Variants in KANK1 observed in about 807,000 individuals in gnomAD.
KANK1 encodes KN motif and ankyrin repeat domain-containing protein 1.
In KANK1, 109 loss-of-function variants were observed where a neutral mutation model predicts 106.2. That is an observed-to-expected ratio of 1.03 (90% CI 0.88 to 1.20). KANK1 has a LOEUF of 1.20. KANK1 is among the 50% of genes most tolerant of loss of function. KANK1 has a pLI of 0.00. For missense variants in KANK1, 2,399 were observed against 1,710.7 expected, an observed-to-expected ratio of 1.40 and a Z score of -7.10; for synonymous variants, 873 against 652.2, an observed-to-expected ratio of 1.34 and a Z score of -5.16.
chr9:537,371 C>G (rs916087526), intron 1 of KANK1, among the ~76,000 whole-genome samples: 2 of 152,174 alleles, frequency 1.3e-5, no homozygotes, highest in African/African-American at 4.8e-5. Flanking sequence ...CAGGCCCTCA[C>G]AAGTTAAATC....
chr9:607,504 AAAAG>A (rs1268515368), intron 1 of KANK1, among the ~76,000 whole-genome samples: 14 of 151,306 alleles, frequency 9.3e-5, no homozygotes, highest in African/African-American at 3.4e-4. Flanking sequence ...AAAAAAAAAA[AAAAG>A]GAGATGGCTA....
intron 3 of KANK1, among the ~76,000 whole-genome samples, chr9:718,868 AAG>A (rs1482774361): frequency 1.3e-5 from 2 of 152,112 alleles, no homozygotes; most frequent in Admixed American, 6.6e-5. Flanking sequence ...TGTACCAAAA[AAG>A]AAGATGGTCC....
At chr9:679,449 C>G (rs1454371146) in intron 2 of KANK1, among the ~76,000 whole-genome samples, 2 of 152,140 alleles carry the variant, frequency 1.3e-5, no homozygotes, top group Non-Finnish European at 2.9e-5. Context: ...GAGTCTTGCT[C>G]TGTCACCCAG....
At chr9:573,987 T>A (rs1819880913) in intron 1 of KANK1, among the ~76,000 whole-genome samples, 1 of 152,216 alleles carries the variant, frequency 6.6e-6, no homozygotes. Flanking sequence ...ACCAGGAGAT[T>A]AATGGGCTGT....
intron 1 of KANK1, among the ~76,000 whole-genome samples, chr9:669,103 CTGACATTT>C (rs1845328753): frequency 6.6e-6 from 1 of 152,162 alleles, no homozygotes; most frequent in Non-Finnish European, 1.5e-5. Context: ...ATTCCATCCC[CTGACATTT>C]TGACTTTTGT....
chr9:638,506 A>G (rs1305865346), intron 1 of KANK1, among the ~76,000 whole-genome samples: 1 of 152,130 alleles, frequency 6.6e-6, no homozygotes, highest in Non-Finnish European at 1.5e-5. Context: ...TTTCAGATAA[A>G]TCTCTTATTT....
intron 3 of KANK1, among the ~76,000 whole-genome samples, chr9:716,807 T>A (rs528317034): frequency 9.8e-5 from 15 of 152,318 alleles, no homozygotes; most frequent in Admixed American, 2.6e-4. Context: ...AGACCTTGTC[T>A]CTACAAAAAA....
At chr9:523,060 C>T (rs1413045302) in intron 1 of KANK1, among the ~76,000 whole-genome samples, 1 of 151,690 alleles carries the variant, frequency 6.6e-6, no homozygotes, top group Non-Finnish European at 1.5e-5. Flanking sequence ...CATCTTCTCT[C>T]ATGGCTTTAA....
intron 8 of KANK1, 148 bp from the exon 9 acceptor site, chr9:740,644 A>C: frequency 1.2e-6 from 1 of 866,552 alleles, no homozygotes; most frequent in Non-Finnish European, 1.7e-6. Flanking sequence ...AACATCTCTC[A>C]CATTTCCTTC....
intron 1 of KANK1, among the ~76,000 whole-genome samples, chr9:587,875 G>A (rs1218586446): frequency 1.3e-5 from 2 of 152,270 alleles, no homozygotes; most frequent in East Asian, 3.9e-4. Flanking sequence ...AGACCAGCCT[G>A]GCCAACATGG....
Position 476,528 on chromosome 9 carries a change from C to CA in KANK1, c.-362+3265dup, listed in dbSNP as rs528759257. On this transcript the variant is annotated intron_variant, in intron 3 of 15. Transcript: ENST00000382303. ...GGAACAAAAGACTCCATCTCAAAAA[C>CA]AAAAAAAAAATCCCAGGTGTTCTGG... 6.0e-3 allele frequency: 886 copies of CA among 148,376 alleles called. 4 individuals carry two copies. The highest frequency in any genetic ancestry group is 7.7e-3 in the Non-Finnish European group (514 of 66,758). The allele number at this position is 148,376 out of a possible 1,614,324, so 9.2% of individuals were successfully genotyped here. A position where few individuals can be genotyped will look rare whatever the true frequency, so the allele number is the denominator to read the frequency against.
chr9:515,167 C>A (rs955230534), intron 1 of KANK1, among the ~76,000 whole-genome samples: 1 of 151,368 alleles, frequency 6.6e-6, no homozygotes, highest in Non-Finnish European at 1.5e-5. Flanking sequence ...CACAGTGAAA[C>A]CCTATCTCTA....
chr9:713,338 C>T lies in KANK1; in HGVS notation c.2572C>T (p.Gln858Ter). 1.2e-6 allele frequency: 2 copies of T among 1,614,180 alleles called. No individual in the cohort carries two copies. The highest frequency in any genetic ancestry group is 1.7e-6 in the Non-Finnish European group (2 of 1,180,026). ...LAEAFGEPHS[Q>*]MGSLNSQLIS... Reference sequence around the variant, plus strand: ...AGAAGCTTTCGGGGAACCTCACTCACAGATGGGCTCCCTCAACTCTCAGCT... The same window carrying T: ...AGAAGCTTTCGGGGAACCTCACTCATAGATGGGCTCCCTCAACTCTCAGCT... The change falls in exon 3 of 12, where the codon CAG becomes TAG. Residue 858 changes from glutamine (Q) to a stop codon, truncating the protein, a stop_gained. Transcript: ENST00000382297. LOFTEE classifies it high-confidence loss of function.
intron 1 of KANK1, among the ~76,000 whole-genome samples, chr9:620,141 A>T (rs1264354258): frequency 2.6e-5 from 4 of 152,056 alleles, no homozygotes; most frequent in Non-Finnish European, 5.9e-5. Flanking sequence ...TAAAAAAAAA[A>T]AAAATTGTTT....
At chr9:586,316 C>G (rs1334902535) in intron 1 of KANK1, among the ~76,000 whole-genome samples, 3 of 152,124 alleles carry the variant, frequency 2.0e-5, no homozygotes, top group Non-Finnish European at 4.4e-5. Flanking sequence ...TTCAAGGTTA[C>G]AGGAATAGGA....
At chr9:521,978 G>T (rs2059575009) in intron 1 of KANK1, among the ~76,000 whole-genome samples, 1 of 151,790 alleles carries the variant, frequency 6.6e-6, no homozygotes, top group Non-Finnish European at 1.5e-5. Context: ...GATCCCTTTT[G>T]CCTCTCTCAG....
chr9:506,267 T>G (rs1343682502), intron 1 of KANK1, among the ~76,000 whole-genome samples: 1 of 152,168 alleles, frequency 6.6e-6, no homozygotes, highest in Non-Finnish European at 1.5e-5. Flanking sequence ...ACTTTGATCC[T>G]TTTTCTGTTA....
At chr9:733,621 C>G (rs1484921962) in intron 6 of KANK1, 1 of 152,016 alleles carries the variant, frequency 6.6e-6, no homozygotes. Context: ...CTCATCCCTA[C>G]AAAAATATCA....
upstream of KANK1, among the ~76,000 whole-genome samples, chr9:504,221 C>G (rs12002715): frequency 0.039 from 6,003 of 152,276 alleles, 419 homozygotes; most frequent in African/African-American, 0.14. Context: ...CTCACGGGGG[C>G]TGGATTTCTT....
Sources: allele counts gnomAD v4.1 joint callset (sites outside exome capture counted in the v4.1 genomes callset), GRCh38; gene constraint gnomAD v4.1.1; transcripts MANE v1.5; gene names NCBI Gene and HGNC (gene_info 2026-07-23, HGNC 2026-07-21).